TRAK1: variants seen among roughly 807,000 people sequenced by gnomAD.
The protein encoded by TRAK1 is trafficking kinesin-binding protein 1.
In TRAK1, 33 loss-of-function variants were observed where a neutral mutation model predicts 92.1. The observed-to-expected ratio is 0.36, with a 90% CI of 0.27 to 0.48. The LOEUF is 0.48. Ranked by LOEUF, TRAK1 falls within the 20% of genes least tolerant of loss-of-function variation. TRAK1 has a pLI of 0.99. For synonymous variants in TRAK1, 521 were observed against 517.3 expected, an observed-to-expected ratio of 1.01 and a Z score of -0.10; for missense variants, 1,123 against 1,257.9, an observed-to-expected ratio of 0.89 and a Z score of 1.62.
At chr3:42,126,498 T>G (rs1434037860) in intron 2 of TRAK1, among the ~76,000 whole-genome samples, 1 of 152,166 alleles carries the variant, frequency 6.6e-6, no homozygotes, top group African/African-American at 2.4e-5. Flanking sequence ...AACTTGATAT[T>G]GCAGACTTGA....
intron 2 of TRAK1, among the ~76,000 whole-genome samples, chr3:42,144,563 G>A (rs1050397405): frequency 7.2e-5 from 11 of 152,132 alleles, no homozygotes; most frequent in African/African-American, 2.4e-4. Flanking sequence ...TTATGGTAAT[G>A]GGGTAGGAAT....
chr3:42,083,341 T>C (rs1366622760), upstream of TRAK1, among the ~76,000 whole-genome samples: 3 of 152,192 alleles, frequency 2.0e-5, no homozygotes, highest in African/African-American at 7.2e-5. Context: ...TATTTACATG[T>C]TGATTTTAAG....
intron 13 of TRAK1, chr3:42,203,064 G>A (rs1239038367): frequency 1.9e-5 from 23 of 1,238,226 alleles, no homozygotes; most frequent in Middle Eastern, 3.0e-4. Context: ...CTTTTGTGGC[G>A]GTAGAGGCAC....
chr3:42,171,567 G>C (rs548882035), intron 2 of TRAK1, among the ~76,000 whole-genome samples: 1 of 152,036 alleles, frequency 6.6e-6, no homozygotes, highest in Non-Finnish European at 1.5e-5. Context: ...CTTCTGCCTG[G>C]GTCTTAGATC....
chr3:42,115,598 G>GT (rs1709067772), intron 1 of TRAK1, among the ~76,000 whole-genome samples: 1 of 152,174 alleles, frequency 6.6e-6, no homozygotes, highest in South Asian at 2.1e-4. Context: ...CTTAGAAAGC[G>GT]TTTCTTCTGT....
At chr3:42,144,488 C>T (rs569741732) in intron 2 of TRAK1, among the ~76,000 whole-genome samples, 1 of 152,206 alleles carries the variant, frequency 6.6e-6, no homozygotes, top group Non-Finnish European at 1.5e-5. Context: ...CTGTACCAAA[C>T]CTCAGACCAT....
At chr3:42,218,981 CA>C in intron 14 of TRAK1, 1 of 985,368 alleles carries the variant, frequency 1.0e-6, no homozygotes, top group Non-Finnish European at 1.2e-6. Context: ...CCAGCATCCC[CA>C]GGCCCCTTTT....
Position 42,194,953 on chromosome 3 carries a change from T to G in TRAK1, c.1113+12T>G. On this transcript the variant is annotated intron_variant, in intron 10 of 15. Coordinates refer to ENST00000327628, the MANE Select transcript of TRAK1 (RefSeq NM_001042646.3). ...GCCTGTTTCCCATGGTGAGCTGTGC[T>G]TTCTTCCCAGCCAGAGGACAGGAGG... is the stretch of plus-strand genomic sequence containing the variant. 6.2e-7 allele frequency: 1 copy of G among 1,613,168 alleles called. No individual in the cohort carries two copies. The highest frequency in any genetic ancestry group is 1.1e-5 in the South Asian group (1 of 90,798).
chr3:42,061,800 A>G (rs759328670), intron 1 of TRAK1, among the ~76,000 whole-genome samples: 24 of 152,348 alleles, frequency 1.6e-4, no homozygotes, highest in Non-Finnish European at 2.6e-4. Flanking sequence ...AAGCCCATCC[A>G]TCTACCCATC....
intron 5 of TRAK1, among the ~76,000 whole-genome samples, 179 bp from the exon 6 acceptor site, chr3:42,188,837 A>C (rs1400411768): frequency 6.6e-6 from 1 of 152,064 alleles, no homozygotes; most frequent in African/African-American, 2.4e-5. Flanking sequence ...AAGGGTTGAG[A>C]TGTGGGTTCA....
chr3:42,120,427 C>G (rs976470997), intron 1 of TRAK1, among the ~76,000 whole-genome samples: 1 of 130,586 alleles, frequency 7.7e-6, no homozygotes, highest in African/African-American at 2.6e-5. Context: ...CCATGGTGGG[C>G]CGGCAGTGTC....
intron 1 of TRAK1, among the ~76,000 whole-genome samples, chr3:42,028,979 A>G (rs938713143): frequency 6.6e-6 from 1 of 152,182 alleles, no homozygotes; most frequent in African/African-American, 2.4e-5. Flanking sequence ...CAGCCTGCAC[A>G]GGAAGCATGG....
At position 42,202,858 on chromosome 3, in the gene TRAK1, T is replaced by A; in HGVS notation, c.1744+106T>A. On this transcript the variant is annotated intron_variant, in intron 13 of 15. Coordinates refer to ENST00000327628, the MANE Select transcript of TRAK1 (RefSeq NM_001042646.3). This position sits in a 1 kb window ranked among gnomAD's most constrained non-coding sequence, Gnocchi z 6.1. ...CACCTCTGTCACGCCTACTCCTTTT[T>A]CTTCCGCGACAGCCACCCGCGCTGC... The A allele has an allele frequency of 6.6e-7, 1 of 1,509,454 alleles. No individual in the cohort carries two copies. Among genetic ancestry groups the A allele is most frequent in the South Asian group, 1.3e-5 (1 of 79,960 alleles). The allele number at this position is 1,509,454 out of a possible 1,614,324, so 93.5% of individuals were successfully genotyped here.
chr3:42,055,785 C>T (rs1477638827), intron 1 of TRAK1, among the ~76,000 whole-genome samples: 1 of 152,174 alleles, frequency 6.6e-6, no homozygotes, highest in Non-Finnish European at 1.5e-5. Flanking sequence ...TTTTAGAACA[C>T]TTTCTTCACC....
upstream of TRAK1, among the ~76,000 whole-genome samples, chr3:42,082,897 T>C (rs1704502432): frequency 6.6e-6 from 1 of 152,246 alleles, no homozygotes; most frequent in African/African-American, 2.4e-5. Flanking sequence ...ACAGCATCTT[T>C]CTATGTTGAT....
At chr3:42,219,269 G>T in intron 14 of TRAK1, 1 of 984,924 alleles carries the variant, frequency 1.0e-6, no homozygotes, top group Non-Finnish European at 1.2e-6. Flanking sequence ...GTCTGGATTG[G>T]GTCGGAAGCT....
intron 14 of TRAK1, chr3:42,217,846 A>G (rs1709892329): frequency 1.0e-6 from 1 of 985,230 alleles, no homozygotes; most frequent in Non-Finnish European, 1.2e-6. Context: ...TTCTCTTCAT[A>G]GCTTACTCCA....
Position 42,168,433 on chromosome 3 carries a change from G to A in TRAK1, c.287-8381G>A, listed in dbSNP as rs574644522. Among the ~76,000 whole-genome samples, 3 of 152,274 alleles carry A rather than the reference G, an allele frequency of 2.0e-5. No homozygotes were observed. The East Asian group carries it at 5.8e-4, about 29-fold the overall frequency. On this transcript the variant is annotated intron_variant, in intron 2 of 15. Coordinates refer to ENST00000327628, the MANE Select transcript of TRAK1 (RefSeq NM_001042646.3). Reference sequence around the variant, plus strand: ...ACTTAAATATCACCCATTTTAACTAGACAATTCAAAGATTTTCGTTAAATT... The same window carrying A: ...ACTTAAATATCACCCATTTTAACTAAACAATTCAAAGATTTTCGTTAAATT...
chr3:42,223,412 AAGTC>A lies in TRAK1; in HGVS notation c.2540_2543del (p.Val847GlyfsTer9). 1 of 1,614,182 alleles carries A rather than the reference AAGTC, an allele frequency of 6.2e-7. No individual in the cohort carries two copies. The highest frequency in any genetic ancestry group is 8.5e-7 in the Non-Finnish European group (1 of 1,180,028). On this transcript the variant is annotated frameshift_variant, in exon 16 of 16. Transcript: ENST00000327628. LOFTEE classifies it high-confidence loss of function. This position sits in a 1 kb window ranked among gnomAD's most constrained non-coding sequence, Gnocchi z 6.1. ...GTCTCCAACCTCAACCTCGTGGACA[AAGTC>A]AGGAGGTTTGGGGTGGCCAAAGTGG...
Sources: gnomAD v4.1 joint callset for allele counts (sites outside exome capture counted in the v4.1 genomes callset) on GRCh38, gnomAD v4.1.1 for gene constraint, Gnocchi (gnomAD v3.1) non-coding constraint, MANE v1.5 for transcripts, NCBI Gene and HGNC (gene_info 2026-07-23, HGNC 2026-07-21) for gene names.